The following SAMD4B variants were observed in gnomAD, a reference collection of about 807,000 sequenced individuals.
SAMD4B encodes the protein protein Smaug homolog 2.
SAMD4B carries 5 observed loss-of-function variants against 74.5 expected under a neutral mutation model. The ratio of observed to expected loss-of-function variants is 0.07; its 90% CI spans 0.04 to 0.14. SAMD4B has a LOEUF of 0.14. Ranked by LOEUF, SAMD4B falls within the 10% of genes least tolerant of loss-of-function variation. The pLI, the probability that SAMD4B is intolerant of heterozygous loss-of-function variation, is 1.00. For missense variants in SAMD4B, 608 were observed against 921.8 expected, an observed-to-expected ratio of 0.66 and a Z score of 4.41; for synonymous variants, 373 against 374.9, an observed-to-expected ratio of 1.00 and a Z score of 0.06.
At chr19:39,349,619 T>C (rs550628018) in intron 1 of SAMD4B, among the ~76,000 whole-genome samples, 5 of 152,214 alleles carry the variant, frequency 3.3e-5, no homozygotes, top group Non-Finnish European at 7.3e-5. Flanking sequence ...CTTCTGACAG[T>C]CTCTTCTCAG....
At chr19:39,371,995 C>G (rs1468595129) in intron 4 of SAMD4B, among the ~76,000 whole-genome samples, 2 of 152,152 alleles carry the variant, frequency 1.3e-5, no homozygotes, top group African/African-American at 4.8e-5. Flanking sequence ...GATGCTCATC[C>G]CTCACCAAGG....
Position 39,369,973 on chromosome 19 carries a change from C to T in SAMD4B, c.515C>T (p.Ser172Leu), listed in dbSNP as rs1390220034. The change falls in exon 4 of 14, where the codon TCA becomes TTA. Residue 172 changes from serine to leucine, a missense_variant. Ser to Leu is a moderately radical substitution (Grantham distance 145). Around this residue, in one of 9 missense-constraint regions of SAMD4B, gnomAD observed 153 missense variants for 153.0 expected, o/e 1.00. Transcript: ENST00000610417. ...CCCTCCTACCATTCACGTCAAGGCT[C>T]AGATGAGTGGGGGGGCCCTGCAGAG... ...PEPSYHSRQG[S>L]DEWGGPAELG... 6.2e-7 allele frequency: 1 copy of T among 1,613,678 alleles called. No homozygotes were observed. Among genetic ancestry groups the T allele is most frequent in the Admixed American group, 1.7e-5 (1 of 59,974 alleles).
At chr19:39,352,905 CA>C (rs1568345464) in intron 1 of SAMD4B, among the ~76,000 whole-genome samples, 1 of 152,148 alleles carries the variant, frequency 6.6e-6, no homozygotes, top group African/African-American at 2.4e-5. Context: ...CCTCCTGTCA[CA>C]AATGTTCCCT....
intron 5 of SAMD4B, 62 bp from the exon 6 acceptor site, chr19:39,376,375 T>C (rs2077598979): frequency 2.8e-6 from 4 of 1,413,066 alleles, no homozygotes; most frequent in African/African-American, 1.4e-5. Context: ...CCCACAACTT[T>C]TCCTTTACCC....
intron 3 of SAMD4B, among the ~76,000 whole-genome samples, chr19:39,364,410 A>G (rs1449065238): frequency 6.6e-6 from 1 of 152,238 alleles, no homozygotes; most frequent in Admixed American, 6.5e-5. Context: ...CTGAATGTTT[A>G]CTATGAGTAC....
Position 39,375,949 on chromosome 19 carries a change from A to G in SAMD4B, c.907+60A>G. 2.5e-6 allele frequency: 4 copies of G among 1,570,448 alleles called. No individual in the cohort carries two copies. The highest frequency in any genetic ancestry group is 3.4e-6 in the Non-Finnish European group (4 of 1,161,832). On this transcript the variant is annotated intron_variant, in intron 5 of 13. Coordinates refer to ENST00000610417, the MANE Select transcript of SAMD4B (RefSeq NM_001384574.2). This position sits in a 1 kb window ranked among gnomAD's most constrained non-coding sequence, Gnocchi z 4.1. Reference sequence around the variant, plus strand: ...CAGGGGCTTCTGCAGAGCTTAGAGGACAGAAAGGAGCTTGTAGCTGACACC... The same window carrying G: ...CAGGGGCTTCTGCAGAGCTTAGAGGGCAGAAAGGAGCTTGTAGCTGACACC...
chr19:39,356,928 G>A lies in SAMD4B; in HGVS notation c.35G>A (p.Gly12Asp). The A allele has an allele frequency of 1.2e-6, 2 of 1,613,258 alleles. No individual in the cohort carries two copies. Among genetic ancestry groups the A allele is most frequent in the Non-Finnish European group, 1.7e-6 (2 of 1,179,536 alleles). Residue 12 changes from glycine to aspartate, a missense_variant, in exon 3 of 14, where the codon GGC becomes GAC. By Grantham distance (94) the Gly-to-Asp change is moderately conservative. This residue lies in a region of SAMD4B where 74 missense variants were observed against 182.0 expected (regional missense o/e 0.41). Coordinates refer to ENST00000610417, the MANE Select transcript of SAMD4B (RefSeq NM_001384574.2). ...CGAGACCAGGTGGGCATCCTCGCTGGCTGGTTCAAAGGCTGGAATGAGTGT... is the reference window on the plus strand; with the variant it reads ...CGAGACCAGGTGGGCATCCTCGCTGACTGGTTCAAAGGCTGGAATGAGTGT... ...MFRDQVGILA[G>D]WFKGWNECEQ... is the part of the protein sequence containing the mutation.
chr19:39,356,721 C>T lies in SAMD4B; in HGVS notation c.-173C>T, dbSNP rs148563048. On this transcript the variant is annotated 5_prime_UTR_variant, in exon 3 of 14. Transcript: ENST00000610417. ...GAGAGGCGTGGCTGGACCAAGACCT[C>T]CCCCCATGTGAGCAGGCTTCCTCCT... is the stretch of plus-strand genomic sequence containing the variant. The T allele has an allele frequency of 2.7e-5, 15 of 562,014 alleles. No individual in the cohort carries two copies. Among genetic ancestry groups the T allele is most frequent in the African/African-American group, 2.3e-4 (12 of 53,020 alleles). 34.8% of individuals were successfully genotyped at this position (562,014 alleles called of 1,614,324 possible).
At chr19:39,389,769 G>A (rs780908914), downstream of SAMD4B, 1 of 1,614,044 alleles carries the variant, frequency 6.2e-7, no homozygotes, top group Non-Finnish European at 8.5e-7. This position sits in a 1 kb window ranked among gnomAD's most constrained non-coding sequence, Gnocchi z 5.3. Context: ...AACCTGGGTG[G>A]GGAAACACCT....
Sources: allele counts gnomAD v4.1 joint callset (sites outside exome capture counted in the v4.1 genomes callset), GRCh38; gene constraint gnomAD v4.1.1; regional missense constraint gnomAD v4.1.1; non-coding constraint Gnocchi (gnomAD v3.1); transcripts MANE v1.5; gene names NCBI Gene and HGNC (gene_info 2026-07-23, HGNC 2026-07-21).